The following NEK11 variants were observed in gnomAD, a reference collection of about 807,000 sequenced individuals.
The protein encoded by NEK11 is serine/threonine-protein kinase Nek11.
Under a neutral mutation model 80.7 loss-of-function variants are expected in NEK11, and 72 were observed. The ratio of observed to expected loss-of-function variants is 0.89; its 90% CI spans 0.74 to 1.08. The LOEUF (loss-of-function observed/expected upper bound fraction) is 1.08. Among genes scored for constraint, NEK11 ranks in the 50% least tolerant of loss-of-function variants. The probability of loss-of-function intolerance (pLI) is 0.00; values close to 1 mark genes in which losing one functional copy is unlikely to be tolerated. For missense variants in NEK11, 764 were observed against 763.6 expected (o/e 1.00, Z -0.01); for synonymous variants, 251 against 260.7 (o/e 0.96, Z 0.36).
chr3:131,246,518 C>G (rs946124949), intron 16 of NEK11, among the ~76,000 whole-genome samples: 2 of 152,208 alleles, frequency 1.3e-5, no homozygotes, highest in Admixed American at 1.3e-4. Flanking sequence ...ACTCATTGAT[C>G]GATGGACATT....
intron 7 of NEK11, among the ~76,000 whole-genome samples, chr3:131,149,006 TCTAA>T (rs1486362933): frequency 1.3e-5 from 2 of 152,086 alleles, no homozygotes; most frequent in Non-Finnish European, 1.5e-5. Flanking sequence ...TTCCAAGTCT[TCTAA>T]CTATTTTGAA....
At chr3:131,140,008 G>T (rs954211538) in intron 7 of NEK11, among the ~76,000 whole-genome samples, 33 of 152,134 alleles carry the variant, frequency 2.2e-4, no homozygotes, top group African/African-American at 8.0e-4. Context: ...GGGGCATGTG[G>T]CAGATTGTAT....
At chr3:131,215,728 T>G (rs1040638504) in intron 14 of NEK11, among the ~76,000 whole-genome samples, 4 of 152,204 alleles carry the variant, frequency 2.6e-5, no homozygotes, top group Non-Finnish European at 5.9e-5. Context: ...TGGAGCACTT[T>G]CAAGGGCCAG....
intron 17 of NEK11, among the ~76,000 whole-genome samples, chr3:131,335,962 TAA>T (rs1162693122): frequency 6.6e-6 from 1 of 152,044 alleles, no homozygotes; most frequent in Non-Finnish European, 1.5e-5. Context: ...CTCAATGAAA[TAA>T]AAGAGGATAC....
At chr3:131,242,353 G>C (rs754112407) in intron 15 of NEK11, among the ~76,000 whole-genome samples, 1 of 152,088 alleles carries the variant, frequency 6.6e-6, no homozygotes, top group African/African-American at 2.4e-5. Context: ...TTGAAAATCT[G>C]GCTTCCCAGC....
At chr3:131,335,522 G>C (rs2097166964) in intron 17 of NEK11, among the ~76,000 whole-genome samples, 1 of 152,146 alleles carries the variant, frequency 6.6e-6, no homozygotes, top group Admixed American at 6.5e-5. Flanking sequence ...TACTGAATGG[G>C]CAAAAACTGG....
chr3:131,336,765 T>C (rs912102453), intron 17 of NEK11, among the ~76,000 whole-genome samples: 12 of 152,100 alleles, frequency 7.9e-5, no homozygotes, highest in Non-Finnish European at 1.5e-4. Flanking sequence ...CTCAAACAAA[T>C]TTACAAGAAA....
chr3:131,187,055 A>C (rs2093628577), intron 14 of NEK11, among the ~76,000 whole-genome samples: 2 of 152,186 alleles, frequency 1.3e-5, no homozygotes, highest in African/African-American at 2.4e-5. Flanking sequence ...GAAGACAAGG[A>C]AAAGTCTGTG....
intron 3 of NEK11, among the ~76,000 whole-genome samples, chr3:131,074,929 G>A (rs1429293498): frequency 6.6e-6 from 1 of 152,062 alleles, no homozygotes; most frequent in African/African-American, 2.4e-5. Context: ...TGTCTTTTTC[G>A]TCTTTATATC....
intron 17 of NEK11, among the ~76,000 whole-genome samples, chr3:131,287,874 C>T (rs949275777): frequency 1.3e-5 from 2 of 152,206 alleles, no homozygotes; most frequent in African/African-American, 4.8e-5. Flanking sequence ...TTAACATTCT[C>T]CACTTCATCC....
intron 14 of NEK11, among the ~76,000 whole-genome samples, chr3:131,194,382 A>C (rs367770363): frequency 1.3e-5 from 2 of 152,142 alleles, no homozygotes; most frequent in African/African-American, 4.8e-5. Context: ...TTATATTTCT[A>C]TATATATGCA....
At chr3:131,044,316 G>A (rs1009740661) in intron 3 of NEK11, among the ~76,000 whole-genome samples, 2 of 149,842 alleles carry the variant, frequency 1.3e-5, no homozygotes, top group African/African-American at 2.5e-5. Flanking sequence ...ATTGGATAGA[G>A]TCAAGACCCA....
chr3:131,068,572 AT>A (rs1297644027), intron 3 of NEK11, among the ~76,000 whole-genome samples: 1 of 152,168 alleles, frequency 6.6e-6, no homozygotes, highest in African/African-American at 2.4e-5. Context: ...CTTACTCAAC[AT>A]TATGTCCTGA....
At chr3:131,286,022 C>T (rs2096465909) in intron 17 of NEK11, among the ~76,000 whole-genome samples, 1 of 152,228 alleles carries the variant, frequency 6.6e-6, no homozygotes, top group South Asian at 2.1e-4. Flanking sequence ...AAAAATAGCA[C>T]TATATTGTGT....
intron 14 of NEK11, among the ~76,000 whole-genome samples, chr3:131,173,156 A>ACTGCT (rs940933859): frequency 1.2e-4 from 18 of 152,190 alleles, no homozygotes; most frequent in African/African-American, 4.1e-4. Context: ...AGCTCATGCC[A>ACTGCT]CTGCTCTGCT....
chr3:131,265,429 T>C (rs1427752419), intron 16 of NEK11, among the ~76,000 whole-genome samples: 1 of 152,026 alleles, frequency 6.6e-6, no homozygotes, highest in Non-Finnish European at 1.5e-5. Context: ...CATGAAGGGG[T>C]GTTGAATTTT....
intron 1 of NEK11, 32 bp from the exon 2 acceptor site, chr3:131,027,898 T>C (rs1279598212): frequency 6.6e-6 from 1 of 152,212 alleles, no homozygotes; most frequent in Admixed American, 6.5e-5. Context: ...CTTCTCATTC[T>C]GTCCGTCCCT....
intron 4 of NEK11, among the ~76,000 whole-genome samples, chr3:131,099,615 C>G (rs555543053): frequency 6.6e-6 from 1 of 151,976 alleles, no homozygotes; most frequent in African/African-American, 2.4e-5. Context: ...AATGTTTTTT[C>G]CATTTATTAG....
intron 7 of NEK11, among the ~76,000 whole-genome samples, chr3:131,144,557 T>C (rs1485723081): frequency 1.3e-5 from 2 of 152,196 alleles, no homozygotes; most frequent in East Asian, 1.9e-4. Context: ...AGTCACCATA[T>C]GTATTTTGGT....
Sources: gnomAD v4.1 joint callset for allele counts (sites outside exome capture counted in the v4.1 genomes callset) on GRCh38, gnomAD v4.1.1 for gene constraint, MANE v1.5 for transcripts, NCBI Gene and HGNC (gene_info 2026-07-23, HGNC 2026-07-21) for gene names.